Variants in NSD1 observed in about 807,000 individuals in gnomAD.
NSD1 encodes nuclear receptor binding SET domain protein 1, also known as histone-lysine N-methyltransferase, H3 lysine-36 specific.
In NSD1, 26 loss-of-function variants were observed where a neutral mutation model predicts 242.7. That is an observed-to-expected ratio of 0.11 (90% CI 0.08 to 0.15). The LOEUF is 0.15. NSD1 is among the 10% of genes least tolerant of loss of function. The pLI, the probability that NSD1 is intolerant of heterozygous loss-of-function variation, is 1.00. For missense variants in NSD1, 2,495 were observed against 3,272.8 expected (o/e 0.76, Z 5.80); for synonymous variants, 1,106 against 1,178.1 (o/e 0.94, Z 1.25).
chr5:177,266,629 C>T lies in NSD1; in HGVS notation c.5147-933C>T, dbSNP rs527390639. ...CTCCTCTTCCGGCCGCCAAGACCCC[C>T]GCCTTTTTCTATAGTAGGATTTTAA... On this transcript the variant is annotated intron_variant, in intron 14 of 22. Coordinates refer to ENST00000439151, the MANE Select transcript of NSD1 (RefSeq NM_022455.5). 197 of 540,534 alleles carry T rather than the reference C, an allele frequency of 3.6e-4. 4 individuals are homozygous for T. The Admixed American group carries it at 7.0e-3, about 19-fold the overall frequency. 33.5% of individuals were successfully genotyped at this position (540,534 alleles called of 1,614,324 possible). A position where few individuals can be genotyped will look rare whatever the true frequency, so the allele number is the denominator to read the frequency against.
rs2149888283 is a variant in NSD1 at position 177,238,839 on chromosome 5, A to C, written c.4192+332A>C. Among the ~76,000 whole-genome samples, 1 of 152,360 alleles carries C rather than the reference A, an allele frequency of 6.6e-6. No individual in the cohort carries two copies. Among genetic ancestry groups the C allele is most frequent in the Middle Eastern group, 3.4e-3 (1 of 294 alleles). On this transcript the variant is annotated intron_variant, in intron 7 of 22. Transcript: ENST00000439151. The surrounding 1 kb of genome is among the most constrained non-coding windows in gnomAD (Gnocchi z 4.6). The stretch of plus-strand genomic sequence containing the variant: ...TTAGTGGAATAAGCACTATGCTTCA[A>C]GTGCTGGCTCCACCAATCCTTGTGT...
At chr5:177,145,961 T>C (rs1032113346) in intron 2 of NSD1, among the ~76,000 whole-genome samples, 2 of 150,736 alleles carry the variant, frequency 1.3e-5, no homozygotes, top group African/African-American at 4.9e-5. Flanking sequence ...CAGTGACTTA[T>C]GCCTGTAATC....
chr5:177,281,991 G>A lies in NSD1; in HGVS notation c.5893-474G>A, dbSNP rs548459466. 1.1e-4 allele frequency among the ~76,000 whole-genome samples: 16 copies of A among 152,318 alleles called. No homozygotes were observed. In the East Asian group the frequency reaches 2.5e-3, roughly 24 times the overall value. On this transcript the variant is annotated intron_variant, in intron 18 of 22. Coordinates refer to ENST00000439151, the MANE Select transcript of NSD1 (RefSeq NM_022455.5). ...GAAATATAAGTAGCTGTTGACCCAG[G>A]CAAGGTGCATTAAAGCCCTGCAGGT...
intron 13 of NSD1, 50 bp downstream of exon 13, chr5:177,257,201 T>C (rs1756538414): frequency 1.4e-6 from 2 of 1,394,972 alleles, no homozygotes; most frequent in Non-Finnish European, 2.0e-6. Flanking sequence ...TCAGTTTAAT[T>C]GGCAACAGAT....
intron 20 of NSD1, among the ~76,000 whole-genome samples, chr5:177,286,006 C>T (rs1485059393): frequency 6.6e-6 from 1 of 152,018 alleles, no homozygotes; most frequent in Non-Finnish European, 1.5e-5. Context: ...AGCAATTCTC[C>T]TGCCTCAGCC....
At chr5:177,252,826 T>C (rs1449940929) in intron 12 of NSD1, among the ~76,000 whole-genome samples, 1 of 148,670 alleles carries the variant, frequency 6.7e-6, no homozygotes, top group African/African-American at 2.5e-5. Context: ...TAGCATGATG[T>C]GTAGATGTTA....
intron 5 of NSD1, among the ~76,000 whole-genome samples, chr5:177,214,769 G>A (rs1399528644): frequency 1.3e-5 from 2 of 150,886 alleles, no homozygotes; most frequent in East Asian, 1.9e-4. Context: ...GTGGGTTCTC[G>A]GCTCACTGCA....
chr5:177,252,376 G>A (rs1050163625), intron 12 of NSD1, among the ~76,000 whole-genome samples: 37 of 152,046 alleles, frequency 2.4e-4, no homozygotes, highest in African/African-American at 8.4e-4. Flanking sequence ...CTTAGGATGC[G>A]TGTACTTTAT....
At chr5:177,165,181 C>G (rs1276180571) in intron 2 of NSD1, among the ~76,000 whole-genome samples, 4 of 152,064 alleles carry the variant, frequency 2.6e-5, no homozygotes, top group African/African-American at 4.8e-5. Context: ...TTATTTTATC[C>G]TATTTATTTT....
chr5:177,173,803 ATCGACGTGTGTGATTG>A (rs1298267286), intron 2 of NSD1, among the ~76,000 whole-genome samples: 1 of 152,160 alleles, frequency 6.6e-6, no homozygotes, highest in Non-Finnish European at 1.5e-5. Context: ...AAAAAAGTTT[ATCGACGTGTGTGATTG>A]TCACAGGTTA....
intron 2 of NSD1, among the ~76,000 whole-genome samples, chr5:177,173,474 T>G (rs1178648788): frequency 1.4e-5 from 2 of 140,968 alleles, no homozygotes; most frequent in African/African-American, 2.7e-5. Flanking sequence ...GGCTTTTTTT[T>G]TTTTTTTTTT....
intron 3 of NSD1, among the ~76,000 whole-genome samples, chr5:177,197,692 C>T (rs1762208754): frequency 6.6e-6 from 1 of 152,202 alleles, no homozygotes; most frequent in African/African-American, 2.4e-5. Flanking sequence ...CCTTCGACCC[C>T]AATAGCTTAT....
chr5:177,292,878 C>A (rs1052601364), intron 22 of NSD1, among the ~76,000 whole-genome samples: 2 of 152,238 alleles, frequency 1.3e-5, no homozygotes, highest in South Asian at 2.1e-4. Flanking sequence ...CAGTAGGGAG[C>A]CATTCCAGGG....
At chr5:177,250,723 T>C (rs1461736818) in intron 11 of NSD1, among the ~76,000 whole-genome samples, 1 of 152,082 alleles carries the variant, frequency 6.6e-6, no homozygotes, top group Non-Finnish European at 1.5e-5. Context: ...AGTCCCTGAG[T>C]TCCCCTATCA....
chr5:177,250,865 C>T (rs1473671516), intron 11 of NSD1, among the ~76,000 whole-genome samples: 2 of 152,102 alleles, frequency 1.3e-5, no homozygotes, highest in African/African-American at 4.8e-5. Flanking sequence ...GTCACCTTTC[C>T]CCTTGTTTGC....
chr5:177,236,628 T>C (rs1300818676), intron 6 of NSD1, among the ~76,000 whole-genome samples: 1 of 152,238 alleles, frequency 6.6e-6, no homozygotes, highest in Non-Finnish European at 1.5e-5. Flanking sequence ...TCATCTACTT[T>C]CTGTATTTGT....
At chr5:177,167,495 A>C (rs1288271031) in intron 2 of NSD1, among the ~76,000 whole-genome samples, 1 of 152,064 alleles carries the variant, frequency 6.6e-6, no homozygotes, top group Non-Finnish European at 1.5e-5. Flanking sequence ...AGATCGCGCC[A>C]TTGCACTCCA....
At position 177,210,649 on chromosome 5, in the gene NSD1, T is replaced by C. The variant is rs866299938; in HGVS notation, c.2250T>C (p.Ala750=). The C allele has an allele frequency of 8.7e-6, 14 of 1,613,986 alleles. 1 individual carries two copies. The Middle Eastern group carries it at 6.6e-4, about 76-fold the overall frequency. Residue 750 remains alanine (A), a synonymous_variant, in exon 5 of 23, where the codon GCT becomes GCC. Transcript: ENST00000439151. The part of the protein sequence containing the change: ...HKPQSDFTND[A]LSPKFNLSSS... ...CCCAGTCAGATTTTACAAATGATGC[T>C]CTCTCTCCAAAATTCAACCTGTCAT...
Position 177,210,521 on chromosome 5 carries a change from C to T in NSD1, c.2122C>T (p.His708Tyr). 1 of 1,614,200 alleles carries T rather than the reference C, an allele frequency of 6.2e-7. No homozygotes were observed. The highest frequency in any genetic ancestry group is 8.5e-7 in the Non-Finnish European group (1 of 1,180,040). Residue 708 changes from histidine (H) to tyrosine (Y), a missense_variant, in exon 5 of 23, where the codon CAT becomes TAT. His to Tyr is a moderately conservative substitution (Grantham distance 83, BLOSUM62 2). This residue lies in a region of NSD1 where 515 missense variants were observed against 467.0 expected (regional missense o/e 1.10). Transcript: ENST00000439151. ...AKQKPLISNS[H>Y]TDHLMGCTKS... ...ACAGAAGCCTCTCATTAGTAACTCA[C>T]ATACAGACCACTTAATGGGTTGTAC...
Sources: gnomAD v4.1 joint callset for allele counts (sites outside exome capture counted in the v4.1 genomes callset) on GRCh38, gnomAD v4.1.1 for gene constraint, gnomAD v4.1.1 regional missense constraint, Gnocchi (gnomAD v3.1) non-coding constraint, MANE v1.5 for transcripts, NCBI Gene and HGNC (gene_info 2026-07-23, HGNC 2026-07-21) for gene names.